Variants in FGF13 observed in about 807,000 individuals in gnomAD.
FGF13 encodes the protein fibroblast growth factor 13.
In FGF13, 2 loss-of-function variants were observed where a neutral mutation model predicts 19.5. That is an observed-to-expected ratio of 0.10 (90% CI 0.04 to 0.32). The LOEUF (loss-of-function observed/expected upper bound fraction) is 0.32. Ranked by LOEUF, FGF13 falls within the 10% of genes least tolerant of loss-of-function variation. FGF13 has a pLI of 1.00. For missense variants in FGF13, 113 were observed against 192.7 expected, an observed-to-expected ratio of 0.59 and a Z score of 2.45; for synonymous variants, 72 against 76.9, an observed-to-expected ratio of 0.94 and a Z score of 0.33.
intron 1 of FGF13, among the ~76,000 whole-genome samples, chrX:139,118,240 G>A (rs2083652863): frequency 8.9e-6 from 1 of 112,063 alleles, no homozygotes; most frequent in African/African-American, 3.2e-5. Context: ...TGGGGTTACA[G>A]CCCAATAAAG....
rs184458810 is a variant in FGF13, at chrX:138,902,078, G to A, written c.-112-37428C>T. On this transcript the variant is annotated intron_variant, in intron 1 of 2. Transcript: ENST00000421460. ...AGAAACTGAATAGTTTAAGATTTGT[G>A]AAGCTAATCATACTTCCTGACATTT... Among the ~76,000 whole-genome samples the A allele has an allele frequency of 2.7e-5, 3 of 112,177 alleles. No homozygotes were observed. In the East Asian group the frequency reaches 8.4e-4, roughly 31 times the overall value.
intron 3 of FGF13, among the ~76,000 whole-genome samples, chrX:138,778,659 G>C (rs887991455): frequency 8.9e-6 from 1 of 112,233 alleles, no homozygotes; most frequent in African/African-American, 3.2e-5. Flanking sequence ...CTGGCTCGGA[G>C]GGTGCTAGGC....
At chrX:139,179,645 C>T (rs1409488352) in intron 1 of FGF13, among the ~76,000 whole-genome samples, 1 of 112,226 alleles carries the variant, frequency 8.9e-6, no homozygotes. Flanking sequence ...CAGAAACAAC[C>T]TCACAAGATT....
At chrX:139,014,377 A>G (rs2124377335) in intron 1 of FGF13, among the ~76,000 whole-genome samples, 1 of 111,784 alleles carries the variant, frequency 8.9e-6, no homozygotes, top group South Asian at 3.7e-4. Context: ...TTAACCAAGG[A>G]AAAAAGCGAA....
chrX:138,856,459 T>C (rs778266735), downstream of FGF13, among the ~76,000 whole-genome samples: 1 of 111,668 alleles, frequency 9.0e-6, no homozygotes, highest in South Asian at 3.8e-4. Context: ...CTCTCCCATA[T>C]CAGAAAGACA....
At chrX:138,970,217 C>T (rs1246915156) in intron 1 of FGF13, among the ~76,000 whole-genome samples, 1 of 111,377 alleles carries the variant, frequency 9.0e-6, no homozygotes, top group Non-Finnish European at 1.9e-5. Context: ...CTGTTTTATT[C>T]GCCATTGCAG....
intron 1 of FGF13, among the ~76,000 whole-genome samples, chrX:139,062,169 T>A (rs939720719): frequency 1.8e-5 from 2 of 111,506 alleles, no homozygotes; most frequent in Admixed American, 9.6e-5. Flanking sequence ...TTCCCCCATG[T>A]TTTCCTCTAG....
intron 1 of FGF13, among the ~76,000 whole-genome samples, chrX:139,111,067 A>G (rs1355079560): frequency 8.9e-6 from 1 of 111,773 alleles, no homozygotes; most frequent in African/African-American, 3.3e-5. Flanking sequence ...TAAAATACCT[A>G]TTTTAGCTTA....
At chrX:138,777,027 G>C (rs1257816123) in intron 3 of FGF13, among the ~76,000 whole-genome samples, 3 of 111,698 alleles carry the variant, frequency 2.7e-5, no homozygotes, top group Non-Finnish European at 3.8e-5. Context: ...ACAGTAGCAG[G>C]GTGTCTTATG....
intron 1 of FGF13, among the ~76,000 whole-genome samples, chrX:139,180,396 A>C (rs1382400011): frequency 3.6e-5 from 4 of 112,169 alleles, no homozygotes; most frequent in Middle Eastern, 4.6e-3. Flanking sequence ...TCTGGAACTT[A>C]CATACCCTAA....
At chrX:139,053,920 T>C (rs1302213839) in intron 1 of FGF13, among the ~76,000 whole-genome samples, 2 of 110,568 alleles carry the variant, frequency 1.8e-5, no homozygotes, top group Non-Finnish European at 3.8e-5. Context: ...CCATTTTGAG[T>C]TGATTTTTGT....
chrX:139,113,673 G>A (rs769501506), intron 1 of FGF13, among the ~76,000 whole-genome samples: 3 of 112,036 alleles, frequency 2.7e-5, no homozygotes, highest in East Asian at 2.8e-4. Context: ...GTAAAAGTCC[G>A]TTCACAATTC....
At chrX:139,111,763 A>G (rs2083603996) in intron 1 of FGF13, among the ~76,000 whole-genome samples, 1 of 112,274 alleles carries the variant, frequency 8.9e-6, no homozygotes, top group South Asian at 3.7e-4. Flanking sequence ...AGTACATTTA[A>G]AATAAAATGC....
At chrX:139,054,338 T>C (rs1433617419) in intron 1 of FGF13, among the ~76,000 whole-genome samples, 2 of 109,634 alleles carry the variant, frequency 1.8e-5, no homozygotes, top group Non-Finnish European at 3.8e-5. Flanking sequence ...TTAGCCAGGA[T>C]GTTCTCGATC....
chrX:138,771,980 C>T (rs1302815115), intron 3 of FGF13, among the ~76,000 whole-genome samples: 1 of 85,355 alleles, frequency 1.2e-5, no homozygotes, highest in Non-Finnish European at 2.3e-5. Flanking sequence ...TATTTATATA[C>T]AAGGATTTCA....
intron 1 of FGF13, among the ~76,000 whole-genome samples, chrX:139,038,975 T>C (rs1231962011): frequency 2.7e-5 from 3 of 112,144 alleles, no homozygotes; most frequent in Non-Finnish European, 5.6e-5. Flanking sequence ...TAAGTAGATA[T>C]TAAATTTCAT....
chrX:139,059,473 G>C (rs1033791656), intron 1 of FGF13, among the ~76,000 whole-genome samples: 3 of 109,458 alleles, frequency 2.7e-5, no homozygotes, highest in Non-Finnish European at 5.7e-5. Flanking sequence ...AAGTAAAAAA[G>C]GCCAGGAGGA....
chrX:139,020,932 T>A (rs918613271), intron 1 of FGF13, among the ~76,000 whole-genome samples: 3 of 110,893 alleles, frequency 2.7e-5, no homozygotes, highest in African/African-American at 9.8e-5. Context: ...AATTGGATAA[T>A]AACCTCAACC....
chrX:138,752,077 G>T (rs1602785876), intron 3 of FGF13, among the ~76,000 whole-genome samples: 2 of 111,743 alleles, frequency 1.8e-5, no homozygotes, highest in Admixed American at 9.5e-5. Context: ...TGGACTACAT[G>T]CTAGACAAGT....
Sources: gnomAD v4.1 joint callset for allele counts (sites outside exome capture counted in the v4.1 genomes callset) on GRCh38, gnomAD v4.1.1 for gene constraint, MANE v1.5 for transcripts, NCBI Gene and HGNC (gene_info 2026-07-23, HGNC 2026-07-21) for gene names.